The following LGALS9B variants were observed in gnomAD, a reference collection of about 807,000 sequenced individuals.
LGALS9B encodes the protein galectin 9B, also known as galectin-9B.
In LGALS9B, 8 loss-of-function variants were observed where a neutral mutation model predicts 35.9. The observed-to-expected ratio is 0.22, with a 90% CI of 0.13 to 0.40. The LOEUF (loss-of-function observed/expected upper bound fraction) is 0.40, where lower values mean the gene tolerates loss of function less well. LGALS9B is among the 10% of genes least tolerant of loss of function. The probability of loss-of-function intolerance (pLI) is 1.00; values close to 1 mark genes in which losing one functional copy is unlikely to be tolerated. For missense variants in LGALS9B, 101 were observed against 397.9 expected (o/e 0.25, Z 6.35); for synonymous variants, 42 against 148.6 (o/e 0.28, Z 5.22).
chr17:20,467,161 C>A (rs1238907689), intron 1 of LGALS9B, among the ~76,000 whole-genome samples: 1 of 144,038 alleles, frequency 6.9e-6, no homozygotes, highest in Non-Finnish European at 1.5e-5. Flanking sequence ...CCACTCTACA[C>A]CTCTTCCCCT....
intron 3 of LGALS9B, among the ~76,000 whole-genome samples, chr17:20,457,829 C>T (rs200512023): frequency 6.6e-6 from 1 of 151,852 alleles, no homozygotes; most frequent in East Asian, 1.9e-4. Context: ...GGAACAATGT[C>T]GCTGAAAAAT....
At chr17:20,450,997 G>A (rs551474678) in intron 10 of LGALS9B, among the ~76,000 whole-genome samples, 3 of 151,660 alleles carry the variant, frequency 2.0e-5, no homozygotes, top group South Asian at 2.1e-4. Context: ...TGCTTTCTGC[G>A]TGGCACTGTT....
chr17:20,462,466 C>A, intron 1 of LGALS9B, among the ~76,000 whole-genome samples: 1 of 54,414 alleles, frequency 1.8e-5, no homozygotes, highest in Non-Finnish European at 4.3e-5. Flanking sequence ...GCTTTCTGGT[C>A]TGTATTGTTG....
chr17:20,455,422 C>A lies in LGALS9B; in HGVS notation c.445-24G>T, dbSNP rs766502440. 3.7e-6 allele frequency: 5 copies of A among 1,348,988 alleles called. 1 individual carries two copies. The highest frequency in any genetic ancestry group is 2.0e-5 in the Admixed American group (1 of 50,904). The allele number at this position is 1,348,988 out of a possible 1,614,324, so 83.6% of individuals were successfully genotyped here. On this transcript the variant is annotated intron_variant, in intron 4 of 10. Coordinates refer to ENST00000423676, the MANE Select transcript of LGALS9B (RefSeq NM_001367292.2). ...TTCTGTTAAAACAAAAGGCACCGGC[C>A]GGTGAGGAGAAGCATTAATAGAGCC...
intron 5 of LGALS9B, 45 bp downstream of exon 5, chr17:20,455,258 T>G (rs780453046): frequency 8.6e-7 from 1 of 1,164,616 alleles, no homozygotes; most frequent in Non-Finnish European, 1.2e-6. Context: ...CCTCGGTCCT[T>G]CCTGCTGTCT....
chr17:20,461,426 A>T (rs1297965939), intron 1 of LGALS9B, among the ~76,000 whole-genome samples: 1 of 152,118 alleles, frequency 6.6e-6, no homozygotes, highest in African/African-American at 2.4e-5. Flanking sequence ...TCTGAGCAAA[A>T]TTCACAAACT....
chr17:20,459,225 C>T (rs979525955), intron 2 of LGALS9B, among the ~76,000 whole-genome samples: 3 of 145,780 alleles, frequency 2.1e-5, no homozygotes, highest in Non-Finnish European at 4.5e-5. Flanking sequence ...TTCCTGTGGC[C>T]CTTTGGAAAT....
chr17:20,451,902 C>G lies in LGALS9B; in HGVS notation c.673-19G>C, dbSNP rs772851333. 3 of 1,359,230 alleles carry G rather than the reference C, an allele frequency of 2.2e-6. 1 individual carries two copies. In the South Asian group the frequency reaches 3.5e-5, roughly 16 times the overall value. The allele number at this position is 1,359,230 out of a possible 1,614,324, so 84.2% of individuals were successfully genotyped here. On this transcript the variant is annotated intron_variant, in intron 8 of 10. Coordinates refer to ENST00000423676, the MANE Select transcript of LGALS9B (RefSeq NM_001367292.2). Reference sequence around the variant, plus strand: ...GCATCGGCTGTCAGAAGGACGGGGACAGGTCAGCCAGTGGCAGCCAGGGCA... The same window carrying G: ...GCATCGGCTGTCAGAAGGACGGGGAGAGGTCAGCCAGTGGCAGCCAGGGCA...
chr17:20,454,679 G>A (rs1597495132), intron 5 of LGALS9B, among the ~76,000 whole-genome samples: 2 of 143,870 alleles, frequency 1.4e-5, no homozygotes, highest in South Asian at 2.4e-4. Context: ...CCAGAGGAGC[G>A]ACACTTTGGC....
In LGALS9B at chr17:20,460,335, C is replaced by T. The variant is rs747389627; in HGVS notation, c.131+17G>A. The T allele has an allele frequency of 6.9e-6, 11 of 1,604,890 alleles. No individual in the cohort carries two copies. The Middle Eastern group carries it at 8.3e-4, about 121-fold the overall frequency. On this transcript the variant is annotated intron_variant, in intron 2 of 10. Transcript: ENST00000423676. ...GGACGAGGCTGGAGTGAAACGTTTC[C>T]ATCCATATACACACACCTGGTTCCA...
chr17:20,467,207 A>G (rs2042769018), intron 1 of LGALS9B, among the ~76,000 whole-genome samples: 1 of 143,804 alleles, frequency 7.0e-6, no homozygotes, highest in Non-Finnish European at 1.5e-5. Context: ...CTCAGCCAAC[A>G]CTGTCAAACC....
chr17:20,460,402 G>A lies in LGALS9B; in HGVS notation c.81C>T (p.Asp27=), dbSNP rs201626002. 18 of 1,603,262 alleles carry A rather than the reference G, an allele frequency of 1.1e-5. 2 individuals carry two copies. The highest frequency in any genetic ancestry group is 3.3e-5 in the Admixed American group (2 of 59,720). The change falls in exon 2 of 11, where the codon GAC becomes GAT. Residue 27 remains aspartate (D), a synonymous_variant. Coordinates refer to ENST00000423676, the MANE Select transcript of LGALS9B (RefSeq NM_001367292.2). ...FSGTIQGGLQ[D]GFQITVNGAV... is the part of the protein sequence containing the mutation. Reference sequence around the variant, plus strand: ...CCCCATTGACAGTGATCTGAAATCCGTCCTGGAGACCCCCTTGGATAGTCC... The same window carrying A: ...CCCCATTGACAGTGATCTGAAATCCATCCTGGAGACCCCCTTGGATAGTCC...
chr17:20,451,006 T>C (rs1327385465), intron 10 of LGALS9B, among the ~76,000 whole-genome samples: 2 of 151,492 alleles, frequency 1.3e-5, no homozygotes, highest in East Asian at 3.9e-4. Flanking sequence ...CGTGGCACTG[T>C]TGTTATCTGC....
In LGALS9B at chr17:20,467,149, T is replaced by C. The variant is rs1182481336; in HGVS notation, c.39+283A>G. ...GCTTGCTTCCTCTTTACACAAACCA[T>C]CCCACTCTACACCTCTTCCCCTGAG... On this transcript the variant is annotated intron_variant, in intron 1 of 10. Coordinates refer to ENST00000423676, the MANE Select transcript of LGALS9B (RefSeq NM_001367292.2). Among the ~76,000 whole-genome samples, 49 of 142,062 alleles carry C rather than the reference T, an allele frequency of 3.4e-4. 1 individual carries two copies. The highest frequency in any genetic ancestry group is 1.1e-3 in the Admixed American group (15 of 14,158). The allele number at this position is 142,062 out of a possible 152,430, so 93.2% of individuals were successfully genotyped here.
intron 4 of LGALS9B, among the ~76,000 whole-genome samples, chr17:20,455,720 T>A (rs2142415145): frequency 6.6e-6 from 1 of 151,196 alleles, no homozygotes; most frequent in Non-Finnish European, 1.5e-5. Context: ...CTCAGGGAGC[T>A]CCCTCGAATG....
chr17:20,465,081 G>A (rs2042752578), intron 1 of LGALS9B, among the ~76,000 whole-genome samples: 1 of 151,982 alleles, frequency 6.6e-6, no homozygotes. Flanking sequence ...CCAGAGACCG[G>A]GGACTTTCCC....
In LGALS9B at chr17:20,457,008, CT is replaced by C. The variant is rs1276835861; in HGVS notation, c.334-338del. 5.9e-3 allele frequency among the ~76,000 whole-genome samples: 32 copies of C among 5,422 alleles called. 2 individuals are homozygous for C. The highest frequency in any genetic ancestry group is 0.026 in the East Asian group (16 of 606). The allele number at this position is 5,422 out of a possible 152,430, so 3.6% of individuals were successfully genotyped here. ...CATTTATTTATTATTTTTCCTTCAA[CT>C]TTTTTTTTTTTTTTTTGAGATAGAG... On this transcript the variant is annotated intron_variant, in intron 3 of 10. Transcript: ENST00000423676.
chr17:20,458,942 AC>A (rs1307000110), intron 2 of LGALS9B, among the ~76,000 whole-genome samples: 14 of 142,680 alleles, frequency 9.8e-5, no homozygotes, highest in Non-Finnish European at 1.7e-4. Flanking sequence ...TACTTAAAAA[AC>A]AAAAAGATAT....
intron 1 of LGALS9B, among the ~76,000 whole-genome samples, chr17:20,466,305 G>A (rs974129534): frequency 6.6e-6 from 1 of 151,458 alleles, no homozygotes; most frequent in Non-Finnish European, 1.5e-5. Context: ...CTGGAGTCTA[G>A]AAAGCAGAGC....
Sources: allele counts gnomAD v4.1 joint callset (sites outside exome capture counted in the v4.1 genomes callset), GRCh38; gene constraint gnomAD v4.1.1; transcripts MANE v1.5; gene names NCBI Gene and HGNC (gene_info 2026-07-23, HGNC 2026-07-21).